Variants in LPXN observed in about 807,000 individuals in gnomAD.
LPXN encodes the protein leupaxin.
LPXN carries 28 observed loss-of-function variants against 45.6 expected under a neutral mutation model. The ratio of observed to expected loss-of-function variants is 0.61; its 90% CI spans 0.45 to 0.84. LPXN has a LOEUF of 0.84. Ranked by LOEUF, LPXN falls within the 40% of genes least tolerant of loss-of-function variation. The probability of loss-of-function intolerance (pLI) is 0.00; values close to 1 mark genes in which losing one functional copy is unlikely to be tolerated. For synonymous variants in LPXN, 166 were observed against 169.9 expected, an observed-to-expected ratio of 0.98 and a Z score of 0.18; for missense variants, 459 against 475.0, an observed-to-expected ratio of 0.97 and a Z score of 0.31.
intron 2 of LPXN, among the ~76,000 whole-genome samples, chr11:58,568,399 A>G (rs2134346887): frequency 6.6e-6 from 1 of 152,200 alleles, no homozygotes; most frequent in African/African-American, 2.4e-5. Flanking sequence ...GGTCAGGAGT[A>G]CAAGACCAGC....
chr11:58,527,291 AG>A lies in LPXN; in HGVS notation c.*162del. ...TAGAAGCCTAAAAAATAAGATTATC[AG>A]CCTAGTCATGTAAAGTCTAGAAGTT... On this transcript the variant is annotated 3_prime_UTR_variant, in exon 9 of 9. Coordinates refer to ENST00000395074, the MANE Select transcript of LPXN (RefSeq NM_004811.3). The A allele has an allele frequency of 1.5e-6, 1 of 645,390 alleles. No individual in the cohort carries two copies. The highest frequency in any genetic ancestry group is 2.7e-6 in the Non-Finnish European group (1 of 377,168). The allele number at this position is 645,390 out of a possible 1,614,324, so 40.0% of individuals were successfully genotyped here.
chr11:58,531,998 C>T (rs1343082426), intron 7 of LPXN, among the ~76,000 whole-genome samples: 4 of 152,208 alleles, frequency 2.6e-5, no homozygotes, highest in South Asian at 2.1e-4. Flanking sequence ...CGTGGGCCAG[C>T]ACGAGTTTCG....
intron 7 of LPXN, among the ~76,000 whole-genome samples, chr11:58,540,930 G>C (rs949510324): frequency 4.6e-5 from 7 of 152,114 alleles, no homozygotes; most frequent in African/African-American, 1.7e-4. Flanking sequence ...ACAAAAACAA[G>C]CAATGGGGAA....
At chr11:58,572,972 T>C (rs1304071023) in intron 1 of LPXN, among the ~76,000 whole-genome samples, 1 of 152,150 alleles carries the variant, frequency 6.6e-6, no homozygotes, top group African/African-American at 2.4e-5. Flanking sequence ...AGGCCGGGCA[T>C]GGTGGCTCAT....
intron 7 of LPXN, among the ~76,000 whole-genome samples, chr11:58,538,331 C>A (rs1853616552): frequency 2.6e-5 from 4 of 152,036 alleles, no homozygotes; most frequent in East Asian, 1.9e-4. Flanking sequence ...AGTTCTAGAT[C>A]CCTGAGGAAT....
chr11:58,552,046 G>A (rs993353762), intron 4 of LPXN, among the ~76,000 whole-genome samples: 3 of 152,140 alleles, frequency 2.0e-5, no homozygotes, highest in Admixed American at 1.3e-4. Context: ...CATGGTAAAC[G>A]CTTGGGTTTT....
intron 1 of LPXN, among the ~76,000 whole-genome samples, chr11:58,573,552 A>C (rs778945968): frequency 1.3e-4 from 20 of 152,228 alleles, no homozygotes; most frequent in Admixed American, 2.6e-4. Context: ...AGCACCAGCT[A>C]ACCAAAGTTA....
intron 7 of LPXN, among the ~76,000 whole-genome samples, chr11:58,544,873 G>C (rs1853831944): frequency 6.6e-6 from 1 of 152,098 alleles, no homozygotes; most frequent in Non-Finnish European, 1.5e-5. Context: ...CATCCCTGTG[G>C]GAGGATGCCA....
At chr11:58,528,924 A>G (rs906939435) in intron 7 of LPXN, among the ~76,000 whole-genome samples, 1 of 152,148 alleles carries the variant, frequency 6.6e-6, no homozygotes, top group Non-Finnish European at 1.5e-5. Context: ...TCTTTACATC[A>G]CTTGATATAT....
chr11:58,549,855 C>G lies in LPXN; in HGVS notation c.673G>C (p.Ala225Pro). ...TCTGGGTGCCAGGTCTGGTTCATTG[C>G]TGTCAGCACTTTCTGGAAAGGGAAC... ...AAPILDKVLTAMNQTWHPEHF... is the reference protein window; with the variant it reads ...AAPILDKVLTPMNQTWHPEHF... Residue 225 changes from alanine to proline, a missense_variant, in exon 7 of 9, where the codon GCA (alanine) becomes CCA (proline). Transcript: ENST00000395074. 6.2e-7 allele frequency: 1 copy of G among 1,614,158 alleles called. No homozygotes were observed. The highest frequency in any genetic ancestry group is 1.1e-5 in the South Asian group (1 of 91,080).
Position 58,532,749 on chromosome 11 carries a change from T to C in LPXN, c.743-4558A>G, listed in dbSNP as rs984074095. ...CTGTAAAATGCACCAATTAGCAAGA[T>C]GTGGGTGGGGCCAGATAAGGGAATA... On this transcript the variant is annotated intron_variant, in intron 7 of 8. Coordinates refer to ENST00000395074, the MANE Select transcript of LPXN (RefSeq NM_004811.3). Among the ~76,000 whole-genome samples the C allele has an allele frequency of 5.8e-4, 89 of 152,192 alleles. 1 individual carries two copies. Among genetic ancestry groups the C allele is most frequent in the Admixed American group, 5.7e-3 (87 of 15,280 alleles).
intron 7 of LPXN, among the ~76,000 whole-genome samples, chr11:58,540,495 G>A (rs12288841): frequency 0.011 from 1,664 of 152,218 alleles, 37 homozygotes; most frequent in African/African-American, 0.038. Flanking sequence ...GATGCATGCC[G>A]AAGTATTTAA....
chr11:58,536,887 G>C (rs1448513583), intron 7 of LPXN, among the ~76,000 whole-genome samples: 1 of 151,826 alleles, frequency 6.6e-6, no homozygotes, highest in Non-Finnish European at 1.5e-5. Context: ...CATTTATGTA[G>C]CCAATAAACA....
At chr11:58,555,071 G>T (rs1854163110) in intron 3 of LPXN, 131 bp from the exon 4 acceptor site, 2 of 584,702 alleles carry the variant, frequency 3.4e-6, no homozygotes, top group South Asian at 4.2e-5. Flanking sequence ...AGAGATGGGG[G>T]TATTTTAAAA....
At chr11:58,572,799 C>T (rs1482973481) in intron 1 of LPXN, among the ~76,000 whole-genome samples, 1 of 151,946 alleles carries the variant, frequency 6.6e-6, no homozygotes, top group Non-Finnish European at 1.5e-5. Context: ...AACATAATTA[C>T]AGGGGTGAAA....
intron 7 of LPXN, 122 bp from the exon 8 acceptor site, chr11:58,528,313 C>T (rs1005183634): frequency 6.0e-5 from 54 of 897,502 alleles, no homozygotes; most frequent in Non-Finnish European, 8.8e-5. Flanking sequence ...ATTACTGTTA[C>T]CTAATTCAAA....
intron 3 of LPXN, among the ~76,000 whole-genome samples, chr11:58,561,444 T>G (rs1291209781): frequency 6.6e-6 from 1 of 152,206 alleles, no homozygotes; most frequent in Non-Finnish European, 1.5e-5. Context: ...CTCTACTAGA[T>G]GCAAGATTTT....
At chr11:58,538,719 T>G (rs1047800350) in intron 7 of LPXN, among the ~76,000 whole-genome samples, 8 of 152,168 alleles carry the variant, frequency 5.3e-5, no homozygotes, top group Non-Finnish European at 8.8e-5. Context: ...TATTTCACTG[T>G]GTATATCAAA....
chr11:58,567,205 T>C (rs886267373), intron 2 of LPXN, among the ~76,000 whole-genome samples: 1 of 152,206 alleles, frequency 6.6e-6, no homozygotes, highest in Non-Finnish European at 1.5e-5. Context: ...CTGTGCTCTA[T>C]TAACATTTGT....
Sources: allele counts gnomAD v4.1 joint callset (sites outside exome capture counted in the v4.1 genomes callset), GRCh38; gene constraint gnomAD v4.1.1; transcripts MANE v1.5; gene names NCBI Gene and HGNC (gene_info 2026-07-23, HGNC 2026-07-21).